BMAL1: variants seen among roughly 807,000 people sequenced by gnomAD.
BMAL1 encodes basic helix-loop-helix ARNT like 1.
the BMAL1 span, among the ~76,000 whole-genome samples, chr11:13,370,154 T>C: frequency 6.6e-6 from 1 of 152,180 alleles, no homozygotes; most frequent in Non-Finnish European, 1.5e-5. Context: ...CTTCTTGAAG[T>C]GTTCTCTTCT....
the BMAL1 span, among the ~76,000 whole-genome samples, chr11:13,383,994 G>A: frequency 1.1e-4 from 17 of 152,326 alleles, no homozygotes; most frequent in Non-Finnish European, 2.2e-4. Flanking sequence ...GCATACCAAA[G>A]TATGATGTTT....
At chr11:13,375,531 T>C in the BMAL1 span, 1 of 1,238,946 alleles carries the variant, frequency 8.1e-7, no homozygotes, top group Non-Finnish European at 1.1e-6. Flanking sequence ...CTCAAGTACC[T>C]TTAATATTTT....
the BMAL1 span, among the ~76,000 whole-genome samples, chr11:13,356,136 C>G: frequency 6.6e-6 from 1 of 152,230 alleles, no homozygotes; most frequent in African/African-American, 2.4e-5. Flanking sequence ...GGCCCTCAGC[C>G]CCACTACGCC....
the BMAL1 span, among the ~76,000 whole-genome samples, chr11:13,361,035 T>G: frequency 6.6e-6 from 1 of 151,968 alleles, no homozygotes; most frequent in Non-Finnish European, 1.5e-5. Flanking sequence ...ACCTGGGAGG[T>G]GGAGGTTGCA....
the BMAL1 span, chr11:13,365,328 C>A: frequency 4.3e-6 from 2 of 461,410 alleles, no homozygotes. Flanking sequence ...CACAATCTTA[C>A]AGTTCTTCAG....
At chr11:13,360,104 A>T in the BMAL1 span, among the ~76,000 whole-genome samples, 1 of 152,206 alleles carries the variant, frequency 6.6e-6, no homozygotes, top group African/African-American at 2.4e-5. Context: ...CTGTAATGAG[A>T]AAAACAGGCT....
At chr11:13,360,315 A>G in the BMAL1 span, 8 of 1,582,120 alleles carry the variant, frequency 5.1e-6, no homozygotes, top group East Asian at 8.9e-5. Context: ...AATATCAAGT[A>G]TACCAATTCT....
the BMAL1 span, among the ~76,000 whole-genome samples, chr11:13,333,936 T>G: frequency 1.3e-5 from 2 of 152,228 alleles, no homozygotes; most frequent in Admixed American, 1.3e-4. Context: ...ACAAGGTTTA[T>G]GTTCTCCAGT....
At chr11:13,382,028 A>C in the BMAL1 span, among the ~76,000 whole-genome samples, 1 of 152,178 alleles carries the variant, frequency 6.6e-6, no homozygotes, top group African/African-American at 2.4e-5. Flanking sequence ...CTCCTAGGGC[A>C]CAAACCATCA....
At chr11:13,365,176 C>G in the BMAL1 span, among the ~76,000 whole-genome samples, 2 of 152,094 alleles carry the variant, frequency 1.3e-5, no homozygotes, top group African/African-American at 4.8e-5. Flanking sequence ...ATATGATTCT[C>G]TGGACCATGA....
At chr11:13,293,340 C>T in the BMAL1 span, among the ~76,000 whole-genome samples, 87 of 152,182 alleles carry the variant, frequency 5.7e-4, no homozygotes, top group Non-Finnish European at 1.0e-3. Context: ...GAGTCCAGCC[C>T]TTTTACTTCA....
At chr11:13,341,250 TG>T in the BMAL1 span, among the ~76,000 whole-genome samples, 1 of 152,332 alleles carries the variant, frequency 6.6e-6, no homozygotes, top group African/African-American at 2.4e-5. Context: ...TCTGATGCTC[TG>T]CAGGCTTCCT....
the BMAL1 span, among the ~76,000 whole-genome samples, chr11:13,344,249 T>G: frequency 6.6e-6 from 1 of 152,124 alleles, no homozygotes; most frequent in East Asian, 1.9e-4. Flanking sequence ...TTTCATCTGT[T>G]TTGCTCTTGT....
the BMAL1 span, among the ~76,000 whole-genome samples, chr11:13,298,295 C>G: frequency 3.1e-3 from 471 of 152,296 alleles, 4 homozygotes; most frequent in African/African-American, 0.011. Context: ...TGTTTAAGCT[C>G]TCCCTACTGC....
chr11:13,297,676 C>T, the BMAL1 span, among the ~76,000 whole-genome samples: 1 of 152,206 alleles, frequency 6.6e-6, no homozygotes, highest in African/African-American at 2.4e-5. Flanking sequence ...GTGTGCTAGG[C>T]CCTGCCAAGC....
chr11:13,277,140 G>T, the BMAL1 span: 94,317 of 152,254 alleles, frequency 0.62, 30,108 homozygotes, highest in Non-Finnish European at 0.7. Context: ...TTCTCTCGTT[G>T]AGACTTTGGC....
At chr11:13,372,261 G>A in the BMAL1 span, 2 of 1,614,198 alleles carry the variant, frequency 1.2e-6, no homozygotes, top group Non-Finnish European at 1.7e-6. Context: ...ACCAGACAAT[G>A]AGGGGTGTAA....
the BMAL1 span, among the ~76,000 whole-genome samples, chr11:13,365,028 A>G: frequency 2.0e-5 from 3 of 152,188 alleles, no homozygotes; most frequent in Non-Finnish European, 4.4e-5. Context: ...CCACTGTTTT[A>G]GAGAGCTCCC....
the BMAL1 span, among the ~76,000 whole-genome samples, chr11:13,322,778 CTTTTTTT>C: frequency 7.9e-5 from 4 of 50,332 alleles, no homozygotes; most frequent in East Asian, 1.4e-3. Context: ...GTGAGCAAGT[CTTTTTTT>C]TTTTTTTTTT....
Sources: allele counts gnomAD v4.1 joint callset (sites outside exome capture counted in the v4.1 genomes callset), GRCh38; gene constraint gnomAD v4.1.1; transcripts MANE v1.5; gene names NCBI Gene and HGNC (gene_info 2026-07-23, HGNC 2026-07-21).